Variants in NOPCHAP1 observed in about 807,000 individuals in gnomAD.
NOPCHAP1 encodes NOP protein chaperone 1.
Under a neutral mutation model 14.0 loss-of-function variants are expected in NOPCHAP1, and 13 were observed. The ratio of observed to expected loss-of-function variants is 0.93; its 90% CI spans 0.60 to 1.47. The LOEUF (loss-of-function observed/expected upper bound fraction) is 1.47, where lower values mean the gene tolerates loss of function less well. Ranked by LOEUF, NOPCHAP1 falls within the 40% of genes most tolerant of loss-of-function variation. The probability of loss-of-function intolerance (pLI) is 0.00; values close to 1 mark genes in which losing one functional copy is unlikely to be tolerated. For synonymous variants in NOPCHAP1, 78 were observed against 78.4 expected, an observed-to-expected ratio of 1.00 and a Z score of 0.03; for missense variants, 230 against 226.9, an observed-to-expected ratio of 1.01 and a Z score of -0.09.
Position 105,015,771 on chromosome 12 carries a change from C to T in NOPCHAP1, c.*21075C>T, listed in dbSNP as rs1208843651. Reference sequence around the variant, plus strand: ...CTCTGGGGGGTCTTGGAATGTATCCCCCATGGATAAGACTACTTGTATAAT... The same window carrying T: ...CTCTGGGGGGTCTTGGAATGTATCCTCCATGGATAAGACTACTTGTATAAT... On this transcript the variant is annotated 3_prime_UTR_variant, in exon 4 of 4. Coordinates refer to ENST00000552951, the MANE Select transcript of NOPCHAP1 (RefSeq NM_152318.3). 1 of 151,954 alleles carries T rather than the reference C, an allele frequency of 6.6e-6. No homozygotes were observed. 9.4% of individuals were successfully genotyped at this position (151,954 alleles called of 1,614,324 possible).
In NOPCHAP1 at chr12:105,016,625, G is replaced by A. The variant is rs551008548; in HGVS notation, c.*21929G>A. 2 of 152,144 alleles carry A rather than the reference G, an allele frequency of 1.3e-5. No individual in the cohort carries two copies. Among genetic ancestry groups the A allele is most frequent in the Non-Finnish European group, 2.9e-5 (2 of 68,054 alleles). The allele number at this position is 152,144 out of a possible 1,614,324, so 9.4% of individuals were successfully genotyped here. A position where few individuals can be genotyped will look rare whatever the true frequency, so the allele number is the denominator to read the frequency against. Reference sequence around the variant, plus strand: ...GCAGCAGGCAAGAGAGCTTGTGTAGGGGAGCTCCCCTTTATAAAACCATCA... The same window carrying A: ...GCAGCAGGCAAGAGAGCTTGTGTAGAGGAGCTCCCCTTTATAAAACCATCA... On this transcript the variant is annotated 3_prime_UTR_variant, in exon 4 of 4. Transcript: ENST00000552951.
rs1001568328 is a variant in NOPCHAP1 at position 104,995,479 on chromosome 12, C to G, written c.*783C>G. 1 of 152,182 alleles carries G rather than the reference C, an allele frequency of 6.6e-6. No homozygotes were observed. Among genetic ancestry groups the G allele is most frequent in the Non-Finnish European group, 1.5e-5 (1 of 68,038 alleles). The allele number at this position is 152,182 out of a possible 1,614,324, so 9.4% of individuals were successfully genotyped here. ...CCCCCAACATGAGCAAAGAGGAGAT[C>G]TAAGGCTGCATGATATCCCATTAAG... is the stretch of plus-strand genomic sequence containing the variant. On this transcript the variant is annotated 3_prime_UTR_variant, in exon 4 of 4. Coordinates refer to ENST00000552951, the MANE Select transcript of NOPCHAP1 (RefSeq NM_152318.3).
chr12:104,998,723 C>G lies in NOPCHAP1; in HGVS notation c.*4027C>G, dbSNP rs914885202. 6.5e-6 allele frequency: 1 copy of G among 152,740 alleles called. No homozygotes were observed. Among genetic ancestry groups the G allele is most frequent in the African/African-American group, 2.4e-5 (1 of 41,418 alleles). The allele number at this position is 152,740 out of a possible 1,614,324, so 9.5% of individuals were successfully genotyped here. A position where few individuals can be genotyped will look rare whatever the true frequency, so the allele number is the denominator to read the frequency against. On this transcript the variant is annotated 3_prime_UTR_variant, in exon 4 of 4. Coordinates refer to ENST00000552951, the MANE Select transcript of NOPCHAP1 (RefSeq NM_152318.3). ...AGCTTCAGAGGGGTGCTGGCAGTTG[C>G]AAGGGTGCTGTTTTTGTGCAGGCAT...
At position 105,016,019 on chromosome 12, in the gene NOPCHAP1, A is replaced by G. The variant is rs1305450937; in HGVS notation, c.*21323A>G. ...TTTTTTTTTTAAAAAGCATAACATC[A>G]AAGCCTAAAATTACAAAGGAAAAGA... On this transcript the variant is annotated 3_prime_UTR_variant, in exon 4 of 4. Coordinates refer to ENST00000552951, the MANE Select transcript of NOPCHAP1 (RefSeq NM_152318.3). 6.6e-6 allele frequency: 1 copy of G among 151,558 alleles called. No individual in the cohort carries two copies. Among genetic ancestry groups the G allele is most frequent in the African/African-American group, 2.4e-5 (1 of 41,188 alleles). The allele number at this position is 151,558 out of a possible 1,614,324, so 9.4% of individuals were successfully genotyped here. A position where few individuals can be genotyped will look rare whatever the true frequency, so the allele number is the denominator to read the frequency against.
chr12:104,995,339 G>A lies in NOPCHAP1; in HGVS notation c.*643G>A, dbSNP rs751322167. On this transcript the variant is annotated 3_prime_UTR_variant, in exon 4 of 4. Transcript: ENST00000552951. ...CTTGAGAAATTTCTTTCATGCATATGGTGGCAGTGTCCAAAGAAACAATAG... is the reference window on the plus strand; with the variant it reads ...CTTGAGAAATTTCTTTCATGCATATAGTGGCAGTGTCCAAAGAAACAATAG... 6.6e-6 allele frequency: 1 copy of A among 152,274 alleles called. No homozygotes were observed. The highest frequency in any genetic ancestry group is 2.1e-4 in the South Asian group (1 of 4,836). The allele number at this position is 152,274 out of a possible 1,614,324, so 9.4% of individuals were successfully genotyped here. A position where few individuals can be genotyped will look rare whatever the true frequency, so the allele number is the denominator to read the frequency against.
chr12:104,994,143 A>C (rs1273473419), intron 3 of NOPCHAP1, among the ~76,000 whole-genome samples: 3 of 152,166 alleles, frequency 2.0e-5, no homozygotes, highest in African/African-American at 7.2e-5. Context: ...TCAGGAGTTC[A>C]AGACCAGCCT....
In NOPCHAP1 at chr12:105,002,532, G is replaced by A. The variant is rs763500857; in HGVS notation, c.*7836G>A. 42 of 152,296 alleles carry A rather than the reference G, an allele frequency of 2.8e-4. No homozygotes were observed. Among genetic ancestry groups the A allele is most frequent in the South Asian group, 6.2e-4 (3 of 4,822 alleles). 9.4% of individuals were successfully genotyped at this position (152,296 alleles called of 1,614,324 possible). ...CATTCTATTTTTTGTCTATGAGATT[G>A]TATGATGGACCAATCAATTTTTTGT... On this transcript the variant is annotated 3_prime_UTR_variant, in exon 4 of 4. Transcript: ENST00000552951.
At position 105,012,500 on chromosome 12, in the gene NOPCHAP1, A is replaced by T. The variant is rs1873851733; in HGVS notation, c.*17804A>T. Reference sequence around the variant, plus strand: ...AAGCCTACTTCTGTCAATTCGTCAAACTTATTCTCTGTCCAGTTTTGTTTC... The same window carrying T: ...AAGCCTACTTCTGTCAATTCGTCAATCTTATTCTCTGTCCAGTTTTGTTTC... On this transcript the variant is annotated 3_prime_UTR_variant, in exon 4 of 4. Coordinates refer to ENST00000552951, the MANE Select transcript of NOPCHAP1 (RefSeq NM_152318.3). The T allele has an allele frequency of 6.6e-6, 1 of 152,170 alleles. No individual in the cohort carries two copies. Among genetic ancestry groups the T allele is most frequent in the Admixed American group, 6.5e-5 (1 of 15,278 alleles). The allele number at this position is 152,170 out of a possible 1,614,324, so 9.4% of individuals were successfully genotyped here.
In NOPCHAP1 at chr12:104,996,070, TAGG is replaced by T. The variant is rs1873496051; in HGVS notation, c.*1378_*1380del. 1 of 152,164 alleles carries T rather than the reference TAGG, an allele frequency of 6.6e-6. No individual in the cohort carries two copies. The highest frequency in any genetic ancestry group is 6.5e-5 in the Admixed American group (1 of 15,274). 9.4% of individuals were successfully genotyped at this position (152,164 alleles called of 1,614,324 possible). A position where few individuals can be genotyped will look rare whatever the true frequency, so the allele number is the denominator to read the frequency against. On this transcript the variant is annotated 3_prime_UTR_variant, in exon 4 of 4. Coordinates refer to ENST00000552951, the MANE Select transcript of NOPCHAP1 (RefSeq NM_152318.3). The stretch of plus-strand genomic sequence containing the variant: ...TGCTGACCATTTTAGACTCTGATAA[TAGG>T]AGGTATTTATGGGGACTTTTGGGGA...
chr12:104,989,720 G>A (rs193295358), intron 2 of NOPCHAP1, among the ~76,000 whole-genome samples: 325 of 152,114 alleles, frequency 2.1e-3, no homozygotes, highest in Non-Finnish European at 3.8e-3. Context: ...CTCCTGTCTC[G>A]CCTCTCCTGA....
chr12:104,990,864 T>C (rs1685706818), intron 2 of NOPCHAP1, among the ~76,000 whole-genome samples: 1 of 152,184 alleles, frequency 6.6e-6, no homozygotes, highest in Non-Finnish European at 1.5e-5. Flanking sequence ...TTGGCTCTTT[T>C]TATTGGGGGA....
In NOPCHAP1 at chr12:104,988,216, C is replaced by G. The variant is rs1873286779; in HGVS notation, c.165C>G (p.Thr55=). ...LINSQPKSRK[T]STLQTVRIER... ...ACTCCCAACCTAAGTCCAGAAAGAC[C>G]TCCACTCTTCAAACAGTTCGGATAG... The change falls in exon 2 of 4, where the codon ACC becomes ACG. Residue 55 remains threonine, a synonymous_variant. Transcript: ENST00000552951. The G allele has an allele frequency of 6.2e-7, 1 of 1,613,036 alleles. No individual in the cohort carries two copies. Among genetic ancestry groups the G allele is most frequent in the South Asian group, 1.1e-5 (1 of 90,788 alleles).
chr12:104,993,139 A>G (rs1170636453), intron 3 of NOPCHAP1, among the ~76,000 whole-genome samples: 1 of 151,978 alleles, frequency 6.6e-6, no homozygotes, highest in Non-Finnish European at 1.5e-5. Flanking sequence ...TTATTTTTCC[A>G]TATTTTCACA....
Position 105,011,083 on chromosome 12 carries a change from G to A in NOPCHAP1, c.*16387G>A, listed in dbSNP as rs1261833240. On this transcript the variant is annotated 3_prime_UTR_variant, in exon 4 of 4. Coordinates refer to ENST00000552951, the MANE Select transcript of NOPCHAP1 (RefSeq NM_152318.3). Reference sequence around the variant, plus strand: ...CTAATACTGACAGTGGGGTGTTAAAGTCTCCCACTATTATTGTGTGGGAGT... The same window carrying A: ...CTAATACTGACAGTGGGGTGTTAAAATCTCCCACTATTATTGTGTGGGAGT... 6.6e-6 allele frequency: 1 copy of A among 152,174 alleles called. No individual in the cohort carries two copies. Among genetic ancestry groups the A allele is most frequent in the Non-Finnish European group, 1.5e-5 (1 of 68,036 alleles). The allele number at this position is 152,174 out of a possible 1,614,324, so 9.4% of individuals were successfully genotyped here.
Position 104,986,406 on chromosome 12 carries a change from G to A in NOPCHAP1, c.54G>A (p.Arg18=), listed in dbSNP as rs768189099. The change falls in exon 1 of 4, where the codon CGG becomes CGA. Residue 18 remains arginine (R), a synonymous_variant. Transcript: ENST00000552951. ...GCCCGAGTTGTTCGTCGCCCACCCG[G>A]GATTCCTCAGGAGTCCCAGTGTCCA... The part of the protein sequence containing the change: ...KASPSCSSPT[R]DSSGVPVSKE... 7 of 1,611,716 alleles carry A rather than the reference G, an allele frequency of 4.3e-6. No homozygotes were observed. The Admixed American group carries it at 5.0e-5, about 12-fold the overall frequency.
Position 104,988,219 on chromosome 12 carries a change from C to T in NOPCHAP1, c.168C>T (p.Ser56=), listed in dbSNP as rs747650569. The change falls in exon 2 of 4, where the codon TCC becomes TCT. Residue 56 remains serine (S), a synonymous_variant. Transcript: ENST00000552951. ...INSQPKSRKT[S]TLQTVRIERS... Reference sequence around the variant, plus strand: ...CCCAACCTAAGTCCAGAAAGACCTCCACTCTTCAAACAGTTCGGATAGAGA... The same window carrying T: ...CCCAACCTAAGTCCAGAAAGACCTCTACTCTTCAAACAGTTCGGATAGAGA... The T allele has an allele frequency of 6.2e-7, 1 of 1,613,030 alleles. No homozygotes were observed. The highest frequency in any genetic ancestry group is 1.1e-5 in the South Asian group (1 of 90,788).
At position 105,016,453 on chromosome 12, in the gene NOPCHAP1, T is replaced by G. The variant is rs900796004; in HGVS notation, c.*21757T>G. The G allele has an allele frequency of 2.0e-5, 3 of 152,432 alleles. No individual in the cohort carries two copies. Among genetic ancestry groups the G allele is most frequent in the Non-Finnish European group, 4.4e-5 (3 of 68,238 alleles). 9.4% of individuals were successfully genotyped at this position (152,432 alleles called of 1,614,324 possible). A position where few individuals can be genotyped will look rare whatever the true frequency, so the allele number is the denominator to read the frequency against. ...ACTTTATTGTATGTATGCGTATTAG[T>G]CTGTTCTCACACTGCTAATAAAGAC... On this transcript the variant is annotated 3_prime_UTR_variant, in exon 4 of 4. Coordinates refer to ENST00000552951, the MANE Select transcript of NOPCHAP1 (RefSeq NM_152318.3).
rs1382576296 is a variant in NOPCHAP1, at chr12:105,015,251, A to G, written c.*20555A>G. ...AGTTATTGGCATAGGTACTTATTTAAAGATTTTCTTCCACTGGATGCTATG... is the reference window on the plus strand; with the variant it reads ...AGTTATTGGCATAGGTACTTATTTAGAGATTTTCTTCCACTGGATGCTATG... On this transcript the variant is annotated 3_prime_UTR_variant, in exon 4 of 4. Transcript: ENST00000552951. 1.3e-5 allele frequency: 2 copies of G among 152,200 alleles called. No individual in the cohort carries two copies. The highest frequency in any genetic ancestry group is 3.8e-4 in the East Asian group (2 of 5,196). 9.4% of individuals were successfully genotyped at this position (152,200 alleles called of 1,614,324 possible). A position where few individuals can be genotyped will look rare whatever the true frequency, so the allele number is the denominator to read the frequency against.
At chr12:104,994,367 T>C (rs1013984302) in intron 3 of NOPCHAP1, 111 bp from the exon 4 acceptor site, 110 of 1,053,792 alleles carry the variant, frequency 1.0e-4, no homozygotes, top group Admixed American at 4.8e-4. Context: ...CAAATTCTTA[T>C]CCTTTATGTT....
Sources: gnomAD v4.1 joint callset for allele counts (sites outside exome capture counted in the v4.1 genomes callset) on GRCh38, gnomAD v4.1.1 for gene constraint, MANE v1.5 for transcripts, NCBI Gene and HGNC (gene_info 2026-07-23, HGNC 2026-07-21) for gene names.